The following PRKD1 variants were observed in gnomAD, a reference collection of about 807,000 sequenced individuals.
PRKD1 encodes serine/threonine-protein kinase D1.
In PRKD1, 63 loss-of-function variants were observed where a neutral mutation model predicts 95.9. The ratio of observed to expected loss-of-function variants is 0.66; its 90% CI spans 0.54 to 0.81. The LOEUF (loss-of-function observed/expected upper bound fraction) is 0.81, where lower values mean the gene tolerates loss of function less well. PRKD1 is among the 30% of genes least tolerant of loss of function. The pLI is 0.00. For missense variants in PRKD1, 1,048 were observed against 1,165.3 expected, an observed-to-expected ratio of 0.90 and a Z score of 1.47; for synonymous variants, 425 against 423.1, an observed-to-expected ratio of 1.00 and a Z score of -0.05.
intron 2 of PRKD1, among the ~76,000 whole-genome samples, chr14:29,703,077 AT>A (rs1008935416): frequency 5.3e-5 from 8 of 151,740 alleles, no homozygotes; most frequent in Admixed American, 1.3e-4. Context: ...CAAATCTGTG[AT>A]TTTTTTTCCC....
At chr14:29,731,271 T>C (rs1886421887) in intron 1 of PRKD1, among the ~76,000 whole-genome samples, 1 of 152,202 alleles carries the variant, frequency 6.6e-6, no homozygotes, top group African/African-American at 2.4e-5. Context: ...CTTTATGTTC[T>C]TAATTCCTCA....
chr14:29,656,422 G>A, intron 4 of PRKD1: 1 of 1,463,772 alleles, frequency 6.8e-7, no homozygotes, highest in Non-Finnish European at 9.2e-7. Flanking sequence ...TAATATGCTG[G>A]TTTGAAAAAG....
At chr14:29,637,879 TA>T (rs1378343703) in intron 6 of PRKD1, among the ~76,000 whole-genome samples, 1 of 152,208 alleles carries the variant, frequency 6.6e-6, no homozygotes, top group Non-Finnish European at 1.5e-5. Flanking sequence ...GCTAAAGGTA[TA>T]AAGACCACTA....
intron 2 of PRKD1, among the ~76,000 whole-genome samples, chr14:29,675,117 A>G (rs1883079712): frequency 1.3e-5 from 2 of 152,186 alleles, no homozygotes; most frequent in South Asian, 4.1e-4. Context: ...CACTGAAAGG[A>G]GGGAACTTGG....
chr14:29,841,193 G>T (rs537035731), intron 1 of PRKD1, among the ~76,000 whole-genome samples: 2 of 152,230 alleles, frequency 1.3e-5, no homozygotes, highest in Admixed American at 6.5e-5. Context: ...AGGCAGAAGA[G>T]ACTTGCCTTG....
intron 1 of PRKD1, among the ~76,000 whole-genome samples, chr14:29,802,737 G>A (rs975936172): frequency 6.6e-6 from 1 of 152,170 alleles, no homozygotes; most frequent in African/African-American, 2.4e-5. Flanking sequence ...TAACCTGGAT[G>A]GAATATCCTT....
intron 1 of PRKD1, among the ~76,000 whole-genome samples, chr14:29,764,287 T>C (rs532526193): frequency 6.6e-6 from 1 of 151,424 alleles, no homozygotes; most frequent in African/African-American, 2.4e-5. Context: ...GAAAAAAAAA[T>C]CTAAAAAGTA....
intron 17 of PRKD1, among the ~76,000 whole-genome samples, chr14:29,578,022 C>G (rs553552012): frequency 6.6e-6 from 1 of 151,646 alleles, no homozygotes; most frequent in African/African-American, 2.4e-5. Context: ...TTGGTTTTGC[C>G]TTTTGGTTTT....
intron 4 of PRKD1, among the ~76,000 whole-genome samples, chr14:29,646,533 T>TTAGATAGATAGATAGATAGATAGA (rs3837586): frequency 8.0e-5 from 12 of 150,040 alleles, no homozygotes; most frequent in African/African-American, 3.0e-4. Flanking sequence ...CTCACAAAAA[T>TTAGATAGATAGATAGATAGATAGA]TAGATAGATA....
intron 1 of PRKD1, among the ~76,000 whole-genome samples, chr14:29,787,548 C>A (rs1245097782): frequency 1.3e-5 from 2 of 152,084 alleles, no homozygotes; most frequent in African/African-American, 4.8e-5. Context: ...GTTATACCCT[C>A]ACGCAGAATT....
At chr14:29,761,824 T>C in intron 1 of PRKD1, among the ~76,000 whole-genome samples, 1 of 148,662 alleles carries the variant, frequency 6.7e-6, no homozygotes, top group Non-Finnish European at 1.5e-5. Context: ...AATCTGTTGC[T>C]CAGGCTGGAC....
intron 1 of PRKD1, among the ~76,000 whole-genome samples, chr14:29,895,446 C>T (rs1382044667): frequency 3.9e-5 from 6 of 152,092 alleles, no homozygotes; most frequent in Admixed American, 6.6e-5. Flanking sequence ...AGCCCCTAGC[C>T]GCCCTCCCTG....
At chr14:29,823,205 C>A (rs1295136686) in intron 1 of PRKD1, among the ~76,000 whole-genome samples, 3 of 152,124 alleles carry the variant, frequency 2.0e-5, no homozygotes, top group Non-Finnish European at 4.4e-5. Flanking sequence ...CTGTAAATAA[C>A]AACATCATTA....
chr14:29,636,971 G>A (rs1260979863), intron 6 of PRKD1, among the ~76,000 whole-genome samples: 3 of 152,140 alleles, frequency 2.0e-5, no homozygotes, highest in African/African-American at 7.2e-5. Flanking sequence ...ATGCATCTGA[G>A]TTTATGAGAG....
At chr14:29,629,987 C>A (rs1419432505) in intron 10 of PRKD1, among the ~76,000 whole-genome samples, 1 of 93,374 alleles carries the variant, frequency 1.1e-5, no homozygotes, top group African/African-American at 2.9e-5. Context: ...TCTTCCTCCT[C>A]CTCTTCTTCT....
At chr14:29,612,357 G>GA (rs927719335) in intron 13 of PRKD1, among the ~76,000 whole-genome samples, 2 of 152,150 alleles carry the variant, frequency 1.3e-5, no homozygotes, top group Non-Finnish European at 2.9e-5. Flanking sequence ...TTTTCTTGAT[G>GA]AAAAAATGTG....
chr14:29,611,032 A>G (rs1391714454), intron 13 of PRKD1, among the ~76,000 whole-genome samples: 2 of 152,258 alleles, frequency 1.3e-5, no homozygotes, highest in Admixed American at 6.5e-5. Context: ...AGGATTTTTA[A>G]GGCAAGGAAA....
intron 1 of PRKD1, among the ~76,000 whole-genome samples, chr14:29,737,779 C>A (rs1047873378): frequency 6.6e-6 from 1 of 152,178 alleles, no homozygotes; most frequent in Non-Finnish European, 1.5e-5. Flanking sequence ...GCGGTAGATC[C>A]TGAGGTCTAC....
chr14:29,886,059 G>A (rs1041191751), intron 1 of PRKD1, among the ~76,000 whole-genome samples: 5 of 151,990 alleles, frequency 3.3e-5, no homozygotes, highest in South Asian at 4.2e-4. Context: ...AATACTCTCC[G>A]GTATCCACAC....
Sources: allele counts gnomAD v4.1 joint callset (sites outside exome capture counted in the v4.1 genomes callset), GRCh38; gene constraint gnomAD v4.1.1; transcripts MANE v1.5; gene names NCBI Gene and HGNC (gene_info 2026-07-23, HGNC 2026-07-21).